The following IGF1 variants were observed in gnomAD, a reference collection of about 807,000 sequenced individuals.
The protein encoded by IGF1 is insulin-like growth factor 1.
In IGF1, 4 loss-of-function variants were observed where a neutral mutation model predicts 13.8. The observed-to-expected ratio is 0.29, with a 90% CI of 0.14 to 0.66. IGF1 has a LOEUF of 0.66. Among genes scored for constraint, IGF1 ranks in the 30% least tolerant of loss-of-function variants. The pLI, the probability that IGF1 is intolerant of heterozygous loss-of-function variation, is 0.78. For missense variants in IGF1, 124 were observed against 188.5 expected (o/e 0.66, Z 2.00); for synonymous variants, 76 against 72.6 (o/e 1.05, Z -0.23).
At chr12:102,434,280 C>G (rs1372418047) in intron 2 of IGF1, among the ~76,000 whole-genome samples, 1 of 142,136 alleles carries the variant, frequency 7.0e-6, no homozygotes, top group Non-Finnish European at 1.5e-5. Flanking sequence ...GGTATATCTC[C>G]CAATGCTATC....
chr12:102,420,911 T>A (rs1875654135), intron 2 of IGF1, among the ~76,000 whole-genome samples: 1 of 152,204 alleles, frequency 6.6e-6, no homozygotes, highest in Non-Finnish European at 1.5e-5. Context: ...AACATTACGT[T>A]TTAAATCACA....
At chr12:102,414,206 C>T (rs1874888811) in intron 3 of IGF1, among the ~76,000 whole-genome samples, 1 of 152,106 alleles carries the variant, frequency 6.6e-6, no homozygotes, top group African/African-American at 2.4e-5. Flanking sequence ...ACACACTACA[C>T]TCACACACAT....
intron 2 of IGF1, among the ~76,000 whole-genome samples, chr12:102,472,647 T>A (rs945203459): frequency 6.6e-6 from 1 of 152,194 alleles, no homozygotes; most frequent in Non-Finnish European, 1.5e-5. Flanking sequence ...TGACAGTGTA[T>A]AGAGGTGGGG....
chr12:102,411,643 T>C (rs2136968166), intron 3 of IGF1, among the ~76,000 whole-genome samples: 1 of 152,320 alleles, frequency 6.6e-6, no homozygotes, highest in South Asian at 2.1e-4. Flanking sequence ...GCCATCATAC[T>C]CAGCTTTTCA....
chr12:102,470,954 A>G (rs1386025984), intron 2 of IGF1, among the ~76,000 whole-genome samples: 1 of 152,224 alleles, frequency 6.6e-6, no homozygotes, highest in Non-Finnish European at 1.5e-5. Context: ...TGTAAAGATG[A>G]GAACTGTCAG....
chr12:102,418,254 C>A (rs139425891), intron 3 of IGF1, among the ~76,000 whole-genome samples: 4 of 152,358 alleles, frequency 2.6e-5, no homozygotes, highest in Admixed American at 6.5e-5. Flanking sequence ...TCTGCCTTTG[C>A]CCCAGCAAGC....
upstream of IGF1, chr12:102,480,789 G>A (rs1305576539): frequency 9.0e-6 from 3 of 331,544 alleles, no homozygotes; most frequent in South Asian, 4.3e-5. Context: ...GACAGGGTTC[G>A]CAGACATTAA....
intron 1 of IGF1, among the ~76,000 whole-genome samples, chr12:102,476,367 A>G (rs534030623): frequency 1.3e-5 from 2 of 151,302 alleles, no homozygotes; most frequent in South Asian, 2.1e-4. Flanking sequence ...TGACAATACT[A>G]TATATCATCA....
chr12:102,423,253 T>A (rs1241746827), intron 2 of IGF1: 2 of 109,476 alleles, frequency 1.8e-5, no homozygotes, highest in Non-Finnish European at 3.4e-5. Flanking sequence ...CCTTACTCGA[T>A]GCTACGAAAA....
At chr12:102,449,245 G>A (rs1878681763) in intron 2 of IGF1, among the ~76,000 whole-genome samples, 1 of 152,112 alleles carries the variant, frequency 6.6e-6, no homozygotes, top group African/African-American at 2.4e-5. Context: ...CGTGTTCCTT[G>A]AAGGGACATG....
rs2136935929 is a variant in IGF1, at chr12:102,400,970, C to CT, written c.*1536dup. 6.6e-6 allele frequency: 1 copy of CT among 152,314 alleles called. No individual in the cohort carries two copies. The highest frequency in any genetic ancestry group is 1.5e-5 in the Non-Finnish European group (1 of 68,016). 9.4% of individuals were successfully genotyped at this position (152,314 alleles called of 1,614,324 possible). ...GTGTTTTAAGAGATTGAGCTGTTAGCTTTTAACAACTAGTTGGCCAGTTAT... is the reference window on the plus strand; with the variant it reads ...GTGTTTTAAGAGATTGAGCTGTTAGCTTTTTAACAACTAGTTGGCCAGTTAT... On this transcript the variant is annotated 3_prime_UTR_variant, in exon 4 of 4. Coordinates refer to ENST00000337514, the MANE Select transcript of IGF1 (RefSeq NM_000618.5).
intron 2 of IGF1, among the ~76,000 whole-genome samples, chr12:102,437,771 T>C (rs1442360445): frequency 7.2e-5 from 11 of 152,192 alleles, no homozygotes; most frequent in Admixed American, 2.0e-4. Flanking sequence ...AAAGAGGATA[T>C]TGAATGTTCT....
upstream of IGF1, among the ~76,000 whole-genome samples, chr12:102,481,173 G>A (rs1197737613): frequency 6.6e-6 from 1 of 152,042 alleles, no homozygotes; most frequent in Non-Finnish European, 1.5e-5. Flanking sequence ...TTTTTCTCCT[G>A]CGATGAGGCA....
intron 2 of IGF1, among the ~76,000 whole-genome samples, chr12:102,457,770 T>G (rs2095103115): frequency 6.6e-6 from 1 of 152,230 alleles, no homozygotes; most frequent in Admixed American, 6.5e-5. Flanking sequence ...TTACTTTAAT[T>G]CTATAGGTTT....
intron 2 of IGF1, among the ~76,000 whole-genome samples, chr12:102,450,662 C>T (rs1878842472): frequency 6.6e-6 from 1 of 152,238 alleles, no homozygotes; most frequent in South Asian, 2.1e-4. Flanking sequence ...CTTTCAAACT[C>T]ATTTGGGAGA....
At chr12:102,430,702 T>C (rs777022543) in intron 2 of IGF1, among the ~76,000 whole-genome samples, 1 of 152,226 alleles carries the variant, frequency 6.6e-6, no homozygotes, top group Non-Finnish European at 1.5e-5. Flanking sequence ...AAACGACTTG[T>C]TCATCTTCTC....
rs1337821825 is a variant in IGF1 at position 102,398,514 on chromosome 12, G to A, written c.*3993C>T. ...CTTTTTTCCCGCGTTTATTCTCCAT[G>A]CTCTTGATCAAGTTCAGAAGATTGG... On this transcript the variant is annotated 3_prime_UTR_variant, in exon 4 of 4. Coordinates refer to ENST00000337514, the MANE Select transcript of IGF1 (RefSeq NM_000618.5). 2 of 151,942 alleles carry A rather than the reference G, an allele frequency of 1.3e-5. No homozygotes were observed. Among genetic ancestry groups the A allele is most frequent in the African/African-American group, 2.4e-5 (1 of 41,354 alleles). 9.4% of individuals were successfully genotyped at this position (151,942 alleles called of 1,614,324 possible). A position where few individuals can be genotyped will look rare whatever the true frequency, so the allele number is the denominator to read the frequency against.
intron 3 of IGF1, among the ~76,000 whole-genome samples, chr12:102,405,233 C>A (rs978701493): frequency 7.8e-6 from 1 of 128,080 alleles, no homozygotes; most frequent in African/African-American, 2.6e-5. Flanking sequence ...ATTACAGGCA[C>A]GCGCCATCAT....
upstream of IGF1, chr12:102,480,651 C>T: frequency 7.6e-7 from 1 of 1,307,844 alleles, no homozygotes; most frequent in African/African-American, 1.5e-5. Flanking sequence ...CCTTCTCTCT[C>T]TCTCCCTCTT....
Sources: allele counts gnomAD v4.1 joint callset (sites outside exome capture counted in the v4.1 genomes callset), GRCh38; gene constraint gnomAD v4.1.1; transcripts MANE v1.5; gene names NCBI Gene and HGNC (gene_info 2026-07-23, HGNC 2026-07-21).